KCNH1: variants seen among roughly 807,000 people sequenced by gnomAD.
The protein encoded by KCNH1 is potassium voltage-gated channel subfamily H member 1, also known as voltage-gated delayed rectifier potassium channel KCNH1.
In KCNH1, 27 loss-of-function variants were observed where a neutral mutation model predicts 69.2. The ratio of observed to expected loss-of-function variants is 0.39; its 90% CI spans 0.29 to 0.54. The LOEUF is 0.54. Ranked by LOEUF, KCNH1 falls within the 20% of genes least tolerant of loss-of-function variation. The pLI is 0.68. For missense variants in KCNH1, 798 were observed against 1,261.6 expected (o/e 0.63, Z 5.57); for synonymous variants, 456 against 487.7 (o/e 0.93, Z 0.86).
intron 7 of KCNH1, among the ~76,000 whole-genome samples, chr1:210,857,905 T>A (rs899284919): frequency 1.3e-5 from 2 of 152,176 alleles, no homozygotes; most frequent in Admixed American, 6.6e-5. Flanking sequence ...GGGAACCACA[T>A]GCCTTTAGCC....
chr1:210,774,536 T>C (rs978397894), intron 10 of KCNH1, among the ~76,000 whole-genome samples: 8 of 152,114 alleles, frequency 5.3e-5, no homozygotes, highest in African/African-American at 1.9e-4. Context: ...AGTGAGCAGG[T>C]TGGGAGAAAG....
intron 7 of KCNH1, among the ~76,000 whole-genome samples, chr1:210,903,175 A>G (rs536086491): frequency 1.3e-5 from 2 of 152,150 alleles, no homozygotes; most frequent in South Asian, 4.2e-4. Context: ...GACTCCAAAG[A>G]CTAGTTTAGG....
At chr1:210,790,936 C>T (rs554701517) in intron 9 of KCNH1, among the ~76,000 whole-genome samples, 24 of 152,302 alleles carry the variant, frequency 1.6e-4, no homozygotes, top group Middle Eastern at 3.4e-3. Flanking sequence ...ACTGCTGCCC[C>T]GCAGGGCTCT....
rs535739693 is a variant in KCNH1 at position 210,863,871 on chromosome 1, C to G, written c.1462+55769G>C. Among the ~76,000 whole-genome samples the G allele has an allele frequency of 3.3e-5, 5 of 152,258 alleles. No homozygotes were observed. In the South Asian group the frequency reaches 1.0e-3, roughly 32 times the overall value. On this transcript the variant is annotated intron_variant, in intron 7 of 10. Coordinates refer to ENST00000271751, the MANE Select transcript of KCNH1 (RefSeq NM_172362.3). ...CGAAGTACTCTTGAACTCTGTCAACCCTGACCTCTCCCCTGTCATGTAGAA... is the reference window on the plus strand; with the variant it reads ...CGAAGTACTCTTGAACTCTGTCAACGCTGACCTCTCCCCTGTCATGTAGAA...
chr1:210,817,890 G>A (rs1028546753), intron 7 of KCNH1, among the ~76,000 whole-genome samples: 2 of 152,128 alleles, frequency 1.3e-5, no homozygotes, highest in Non-Finnish European at 2.9e-5. Context: ...TACTTGGTGT[G>A]GGACACTGTG....
intron 9 of KCNH1, among the ~76,000 whole-genome samples, chr1:210,787,879 C>T (rs529170758): frequency 3.3e-5 from 5 of 152,334 alleles, no homozygotes; most frequent in Admixed American, 2.6e-4. Flanking sequence ...CAACAGCCTT[C>T]CTTGTGGGGA....
At chr1:210,861,121 G>A in intron 7 of KCNH1, 1 of 888,512 alleles carries the variant, frequency 1.1e-6, no homozygotes. Context: ...CAAAGGAAAT[G>A]AAATCTTCAG....
intron 1 of KCNH1, among the ~76,000 whole-genome samples, chr1:211,129,270 A>C (rs1691835200): frequency 6.6e-6 from 1 of 152,226 alleles, no homozygotes; most frequent in African/African-American, 2.4e-5. Flanking sequence ...TCAAAAATAA[A>C]GGGAAGGGAA....
At chr1:210,684,201 G>C in intron 10 of KCNH1, 63 bp from the exon 11 acceptor site, 1 of 1,452,570 alleles carries the variant, frequency 6.9e-7, no homozygotes, top group Non-Finnish European at 9.0e-7. Flanking sequence ...CAGCAGCCCA[G>C]CTCAGCCCTT....
Position 211,002,338 on chromosome 1 carries a change from G to GTA in KCNH1, c.1032+16443_1032+16444dup, listed in dbSNP as rs112118983. On this transcript the variant is annotated intron_variant, in intron 6 of 10. Coordinates refer to ENST00000271751, the MANE Select transcript of KCNH1 (RefSeq NM_172362.3). The stretch of plus-strand genomic sequence containing the variant: ...CGTGTATATATATATGTGTGTGTGT[G>GTA]TATATATATATATATACACACACAC... 1.6e-3 allele frequency among the ~76,000 whole-genome samples: 144 copies of GTA among 87,824 alleles called. No homozygotes were observed. In the Middle Eastern group the frequency reaches 0.022, roughly 13 times the overall value. The allele number at this position is 87,824 out of a possible 152,430, so 57.6% of individuals were successfully genotyped here.
chr1:210,923,032 T>C (rs1311792589), intron 6 of KCNH1, among the ~76,000 whole-genome samples: 1 of 152,226 alleles, frequency 6.6e-6, no homozygotes. Context: ...GAACCTAGTA[T>C]GTACTCTTTG....
intron 6 of KCNH1, among the ~76,000 whole-genome samples, chr1:211,014,675 C>T (rs1019917726): frequency 6.6e-6 from 1 of 152,188 alleles, no homozygotes; most frequent in African/African-American, 2.4e-5. Context: ...ACACAGCTCA[C>T]GTCCTTCTTT....
intron 5 of KCNH1, among the ~76,000 whole-genome samples, chr1:211,037,514 T>TA (rs1689919927): frequency 4.1e-5 from 5 of 123,378 alleles, no homozygotes; most frequent in Admixed American, 8.1e-5. Flanking sequence ...TTTTTTTTTT[T>TA]ACTGTACACA....
At chr1:210,997,515 A>G (rs1319091051) in intron 6 of KCNH1, among the ~76,000 whole-genome samples, 1 of 152,234 alleles carries the variant, frequency 6.6e-6, no homozygotes, top group Admixed American at 6.5e-5. Context: ...GACTATGTGA[A>G]AAGACCAAAT....
intron 1 of KCNH1, among the ~76,000 whole-genome samples, chr1:211,122,080 G>T (rs1691696271): frequency 1.3e-5 from 2 of 152,062 alleles, no homozygotes; most frequent in African/African-American, 4.8e-5. Flanking sequence ...GGGGCTTGCA[G>T]TGAGCCAAGA....
chr1:210,763,987 T>C (rs560083695), intron 10 of KCNH1, among the ~76,000 whole-genome samples: 1 of 152,208 alleles, frequency 6.6e-6, no homozygotes, highest in South Asian at 2.1e-4. Flanking sequence ...GAGGTTACAG[T>C]AACAAAAACA....
At chr1:211,128,544 G>A (rs955741790) in intron 1 of KCNH1, among the ~76,000 whole-genome samples, 7 of 152,078 alleles carry the variant, frequency 4.6e-5, no homozygotes, top group African/African-American at 1.4e-4. Context: ...AGGAGAGTGA[G>A]GGACTTAGGA....
intron 9 of KCNH1, among the ~76,000 whole-genome samples, chr1:210,776,392 C>G (rs542959834): frequency 6.6e-6 from 1 of 152,224 alleles, no homozygotes; most frequent in Non-Finnish European, 1.5e-5. Flanking sequence ...TAGAATAATG[C>G]TATGGACTGA....
At chr1:211,111,561 T>C (rs1397462910) in intron 1 of KCNH1, among the ~76,000 whole-genome samples, 1 of 130,994 alleles carries the variant, frequency 7.6e-6, no homozygotes, top group African/African-American at 3.0e-5. Context: ...CCGCCCCGTC[T>C]GGGAAGTGAG....
Sources: gnomAD v4.1 joint callset for allele counts (sites outside exome capture counted in the v4.1 genomes callset) on GRCh38, gnomAD v4.1.1 for gene constraint, MANE v1.5 for transcripts, NCBI Gene and HGNC (gene_info 2026-07-23, HGNC 2026-07-21) for gene names.